The following TPD52L1 variants were observed in gnomAD, a reference collection of about 807,000 sequenced individuals.
TPD52L1 encodes TPD52 like 1, also known as tumor protein D53.
In TPD52L1, 18 loss-of-function variants were observed where a neutral mutation model predicts 28.7. The observed-to-expected ratio is 0.63, with a 90% confidence interval of 0.43 to 0.93. The LOEUF (loss-of-function observed/expected upper bound fraction) is 0.93, where lower values mean the gene tolerates loss of function less well. Ranked by LOEUF, TPD52L1 falls within the 40% of genes least tolerant of loss-of-function variation. The probability of loss-of-function intolerance (pLI) is 0.00; values close to 1 mark genes in which losing one functional copy is unlikely to be tolerated. For synonymous variants in TPD52L1, 75 were observed against 88.8 expected (o/e 0.84, Z 0.88); for missense variants, 203 against 254.8 (o/e 0.80, Z 1.39).
At chr6:125,172,080 C>CTCTTTCTT (rs140483517) in intron 1 of TPD52L1, among the ~76,000 whole-genome samples, 5 of 92,366 alleles carry the variant, frequency 5.4e-5, no homozygotes, top group South Asian at 6.5e-4. Context: ...TTCTTTCTTT[C>CTCTTTCTT]TCTTTCTTTC....
At chr6:125,174,464 C>T (rs1488820884) in intron 1 of TPD52L1, among the ~76,000 whole-genome samples, 7 of 152,074 alleles carry the variant, frequency 4.6e-5, no homozygotes, top group South Asian at 4.2e-4. Context: ...TGTAAGTTGA[C>T]GGAATTTGGC....
In TPD52L1 at chr6:125,165,092, A is replaced by ATATATATATATTTT; in HGVS notation, c.19+11129_19+11130insATATTTTTATATAT. ...CCTGTCTCTTAAAAAAAAGATATAT[A>ATATATATATATTTT]TATATATTTTAACTGTATATATATA... On this transcript the variant is annotated intron_variant, in intron 1 of 6. Coordinates refer to ENST00000534000, the MANE Select transcript of TPD52L1 (RefSeq NM_003287.4). Among the ~76,000 whole-genome samples the ATATATATATATTTT allele has an allele frequency of 1.0e-3, 104 of 104,200 alleles. 12 individuals are homozygous for ATATATATATATTTT. The highest frequency in any genetic ancestry group is 5.9e-3 in the African/African-American group (97 of 16,458). 68.4% of individuals were successfully genotyped at this position (104,200 alleles called of 152,430 possible).
At chr6:125,207,800 G>C (rs1055727386) in intron 1 of TPD52L1, among the ~76,000 whole-genome samples, 1 of 152,156 alleles carries the variant, frequency 6.6e-6, no homozygotes, top group Non-Finnish European at 1.5e-5. Context: ...TAGGAGTCTG[G>C]AATCTGCCAG....
intron 1 of TPD52L1, among the ~76,000 whole-genome samples, chr6:125,164,168 A>C (rs778975707): frequency 6.6e-6 from 1 of 152,186 alleles, no homozygotes; most frequent in Non-Finnish European, 1.5e-5. Flanking sequence ...AAAGTTTTAA[A>C]TAATGGTTTT....
Position 125,170,497 on chromosome 6 carries a change from C to T in TPD52L1, c.19+16527C>T, listed in dbSNP as rs112955488. Among the ~76,000 whole-genome samples, 251 of 151,996 alleles carry T rather than the reference C, an allele frequency of 1.7e-3. 1 individual carries two copies. Among genetic ancestry groups the T allele is most frequent in the Middle Eastern group, 3.4e-3 (1 of 292 alleles). ...ATTTGCTGGTAGCTCTCATATAAAT[C>T]GGAGTTTCCTAATCTCAGTGTTACT... On this transcript the variant is annotated intron_variant, in intron 1 of 6. Coordinates refer to ENST00000534000, the MANE Select transcript of TPD52L1 (RefSeq NM_003287.4).
At chr6:125,155,194 T>G (rs1296998731) in intron 1 of TPD52L1, among the ~76,000 whole-genome samples, 1 of 152,246 alleles carries the variant, frequency 6.6e-6, no homozygotes, top group Non-Finnish European at 1.5e-5. Context: ...GGGCAGTTGG[T>G]CAAATTCAAA....
intron 3 of TPD52L1, among the ~76,000 whole-genome samples, chr6:125,233,578 T>C (rs1796080175): frequency 6.6e-6 from 1 of 152,228 alleles, no homozygotes; most frequent in Non-Finnish European, 1.5e-5. Context: ...AAATTTATGT[T>C]CTGATAACAT....
At chr6:125,219,007 C>T (rs1446470477) in intron 1 of TPD52L1, among the ~76,000 whole-genome samples, 1 of 152,208 alleles carries the variant, frequency 6.6e-6, no homozygotes, top group East Asian at 1.9e-4. Context: ...AGGACAGACT[C>T]CTACCCCCTA....
At chr6:125,190,018 A>G (rs369651889) in intron 1 of TPD52L1, among the ~76,000 whole-genome samples, 18 of 152,098 alleles carry the variant, frequency 1.2e-4, no homozygotes, top group African/African-American at 3.4e-4. Flanking sequence ...CTCTACCAAC[A>G]TTGGGGTGTC....
At chr6:125,178,905 G>T (rs1791998429) in intron 1 of TPD52L1, among the ~76,000 whole-genome samples, 1 of 152,130 alleles carries the variant, frequency 6.6e-6, no homozygotes, top group Admixed American at 6.6e-5. Flanking sequence ...GATTCCCACT[G>T]GTGACTCTGG....
chr6:125,260,987 AAAGAAAGAAAGAAAGAAAGAAAGAAAG>A (rs1562410820), intron 6 of TPD52L1: 2 of 33,850 alleles, frequency 5.9e-5, no homozygotes, highest in Non-Finnish European at 1.0e-4. Flanking sequence ...AAAAGAAAAG[AAAGAAAGAAAGAAAGAAAGAAAGAAAG>A]AAAGAAAAGA....
intron 1 of TPD52L1, chr6:125,214,539 C>A: frequency 4.1e-6 from 3 of 737,076 alleles, no homozygotes; most frequent in Non-Finnish European, 5.0e-6. Context: ...TTTTGCTATG[C>A]CAAGAGAGAA....
At chr6:125,157,412 G>A (rs1031325317) in intron 1 of TPD52L1, among the ~76,000 whole-genome samples, 12 of 152,196 alleles carry the variant, frequency 7.9e-5, no homozygotes, top group African/African-American at 2.2e-4. Flanking sequence ...AAAACAAGAG[G>A]ACTCTCAGGG....
intron 4 of TPD52L1, among the ~76,000 whole-genome samples, chr6:125,251,570 CTCTT>C (rs1225727904): frequency 6.6e-6 from 1 of 152,196 alleles, no homozygotes; most frequent in African/African-American, 2.4e-5. Flanking sequence ...ATTGCCCACT[CTCTT>C]TCTCCATCCA....
intron 1 of TPD52L1, among the ~76,000 whole-genome samples, chr6:125,155,067 A>G (rs763856836): frequency 1.8e-4 from 28 of 152,212 alleles, no homozygotes; most frequent in Non-Finnish European, 2.5e-4. Context: ...CAATTGTCTG[A>G]ACAGCACGAA....
intron 1 of TPD52L1, among the ~76,000 whole-genome samples, chr6:125,168,732 G>T (rs1243876609): frequency 3.9e-5 from 6 of 152,038 alleles, no homozygotes; most frequent in African/African-American, 1.4e-4. Context: ...TGGCCAGGAT[G>T]GTCTCGATCT....
intron 1 of TPD52L1, among the ~76,000 whole-genome samples, chr6:125,195,580 GA>G (rs1329274390): frequency 6.6e-6 from 1 of 151,000 alleles, no homozygotes; most frequent in Non-Finnish European, 1.5e-5. Context: ...GCACTTACGT[GA>G]AATTCTCTGA....
chr6:125,211,288 TATCTATCTATCTATCTATC>T (rs1282854230), intron 1 of TPD52L1, among the ~76,000 whole-genome samples: 7 of 150,786 alleles, frequency 4.6e-5, no homozygotes, highest in South Asian at 2.1e-4. Context: ...TCTATCTATC[TATCTATCTATCTATCTATC>T]GTGTAACACA....
At chr6:125,154,149 T>TG in intron 1 of TPD52L1, 179 bp downstream of exon 1, 1 of 1,404,286 alleles carries the variant, frequency 7.1e-7, no homozygotes, top group Non-Finnish European at 9.3e-7. Flanking sequence ...GGATTTGCTG[T>TG]GGGTCTGGGG....
Sources: allele counts gnomAD v4.1 joint callset (sites outside exome capture counted in the v4.1 genomes callset), GRCh38; gene constraint gnomAD v4.1.1; transcripts MANE v1.5; gene names NCBI Gene and HGNC (gene_info 2026-07-23, HGNC 2026-07-21).